Variants in NAV2 observed in about 807,000 individuals in gnomAD.
The protein encoded by NAV2 is helicase, APC down-regulated 1.
NAV2 carries 54 observed loss-of-function variants against 223.2 expected under a neutral mutation model. The observed-to-expected ratio is 0.24, with a 90% CI of 0.19 to 0.30. NAV2 has a LOEUF of 0.30. Among genes scored for constraint, NAV2 ranks in the 10% least tolerant of loss-of-function variants. The pLI is 1.00. For synonymous variants in NAV2, 1,279 were observed against 1,239.3 expected, an observed-to-expected ratio of 1.03 and a Z score of -0.67; for missense variants, 2,806 against 3,147.5, an observed-to-expected ratio of 0.89 and a Z score of 2.60.
Position 20,044,101 on chromosome 11 carries a change from C to T in NAV2, c.3028C>T (p.Arg1010Trp), listed in dbSNP as rs199543112. The T allele has an allele frequency of 2.2e-5, 35 of 1,614,086 alleles. No individual in the cohort carries two copies. The highest frequency in any genetic ancestry group is 4.5e-5 in the East Asian group (2 of 44,890). The change falls in exon 13 of 38, where the codon CGG (arginine) becomes TGG (tryptophan). Residue 1010 changes from arginine (R) to tryptophan (W), a missense_variant. Physicochemically the swap from Arg to Trp is moderately radical, Grantham distance 101. Around this residue, in one of 4 missense-constraint regions of NAV2, gnomAD observed 742 missense variants for 777.9 expected, o/e 0.95. Coordinates refer to ENST00000349880, the MANE Select transcript of NAV2 (RefSeq NM_145117.5). ...AATGGAGCCAGGTTCCAAGTGGAGG[C>T]GGAATCCTTCTGATGTGTCTGACGA... Reference protein sequence around the residue: ...IKMEPGSKWRRNPSDVSDESD... With the variant: ...IKMEPGSKWRWNPSDVSDESD...
chr11:19,526,068 A>G lies in NAV2; in HGVS notation c.75+175041A>G, dbSNP rs536836734. 5.0e-4 allele frequency among the ~76,000 whole-genome samples: 76 copies of G among 152,266 alleles called. 1 individual carries two copies. Among genetic ancestry groups the G allele is most frequent in the African/African-American group, 1.8e-3 (75 of 41,554 alleles). On this transcript the variant is annotated intron_variant, in intron 1 of 37. Coordinates refer to the NAV2 transcript ENST00000360655. Reference sequence around the variant, plus strand: ...GAAGGTTTCCTTCTCTTTCAGCATCATGCTGAGAGGTCCACACATGGCCCT... The same window carrying G: ...GAAGGTTTCCTTCTCTTTCAGCATCGTGCTGAGAGGTCCACACATGGCCCT...
intron 1 of NAV2, among the ~76,000 whole-genome samples, chr11:19,830,197 G>A (rs1346315451): frequency 6.6e-6 from 1 of 152,160 alleles, no homozygotes; most frequent in Non-Finnish European, 1.5e-5. Flanking sequence ...TGCACTCCAG[G>A]CTGGGTGACA....
intron 26 of NAV2, among the ~76,000 whole-genome samples, chr11:20,085,227 AC>A (rs1326057234): frequency 1.3e-5 from 2 of 151,174 alleles, no homozygotes; most frequent in Non-Finnish European, 2.9e-5. Context: ...CAGATTCTCC[AC>A]CCCTGAGAAG....
chr11:19,868,986 T>A lies in NAV2; in HGVS notation c.500T>A (p.Leu167Gln). 2 of 1,613,984 alleles carry A rather than the reference T, an allele frequency of 1.2e-6. No individual in the cohort carries two copies. The highest frequency in any genetic ancestry group is 1.7e-6 in the Non-Finnish European group (2 of 1,179,914). ...GCTAAGGGAATAAACATCCAGGGGC[T>A]GTCTGCAGAAGGTGAGTCAGAGCGC... ...LAAKGINIQG[L>Q]SAEEIRNGNL... Residue 167 changes from leucine (L) to glutamine (Q), a missense_variant, in exon 4 of 38, where the codon CTG becomes CAG. Transcript: ENST00000349880.
At chr11:19,857,930 C>G (rs927614574) in intron 3 of NAV2, among the ~76,000 whole-genome samples, 11 of 152,310 alleles carry the variant, frequency 7.2e-5, no homozygotes, top group African/African-American at 2.2e-4. Context: ...GATCTTGGCT[C>G]ACTGCAAGCT....
rs78545290 is a variant in NAV2, at chr11:19,526,464, C to T, written c.75+175437C>T. On this transcript the variant is annotated intron_variant, in intron 1 of 37. Transcript: ENST00000360655. ...TTTCTAAAGTCAGCTTCAGAGTCAG[C>T]CTTGTCTCGGGGGAATGAATATGAT... Among the ~76,000 whole-genome samples, 961 of 152,006 alleles carry T rather than the reference C, an allele frequency of 6.3e-3. 7 individuals are homozygous for T. The highest frequency in any genetic ancestry group is 0.022 in the African/African-American group (896 of 41,480).
At chr11:19,940,294 A>G (rs116559141) in intron 8 of NAV2, among the ~76,000 whole-genome samples, 1,730 of 151,826 alleles carry the variant, frequency 0.011, 41 homozygotes, top group African/African-American at 0.041. Flanking sequence ...AATGTAGACA[A>G]TGATGATTAC....
intron 37 of NAV2, 112 bp downstream of exon 37, chr11:20,114,907 G>A: frequency 9.0e-7 from 1 of 1,116,214 alleles, no homozygotes; most frequent in Non-Finnish European, 1.3e-6. Context: ...CCTTGCTTTG[G>A]AAGGCTGGAC....
At chr11:19,951,582 T>TTAAG (rs2047400639) in intron 10 of NAV2, among the ~76,000 whole-genome samples, 1 of 152,114 alleles carries the variant, frequency 6.6e-6, no homozygotes, top group African/African-American at 2.4e-5. Context: ...TATCCTGTAA[T>TTAAG]AGTTGATTTT....
chr11:19,614,565 A>G (rs1165886164), intron 1 of NAV2, among the ~76,000 whole-genome samples: 1 of 152,126 alleles, frequency 6.6e-6, no homozygotes, highest in Admixed American at 6.5e-5. Flanking sequence ...TGTTACACTC[A>G]ATGAACCTAC....
intron 1 of NAV2, among the ~76,000 whole-genome samples, chr11:19,643,990 A>G (rs891737150): frequency 1.2e-3 from 190 of 152,372 alleles, no homozygotes; most frequent in East Asian, 1.9e-4. Flanking sequence ...CTCCATGTAG[A>G]TAAATGCATA....
chr11:19,432,435 G>T (rs1364760765), intron 1 of NAV2, among the ~76,000 whole-genome samples: 1 of 152,164 alleles, frequency 6.6e-6, no homozygotes. Flanking sequence ...GGTGATTAAG[G>T]GAAAAGATCA....
At chr11:19,562,097 G>T (rs940296933) in intron 1 of NAV2, among the ~76,000 whole-genome samples, 2 of 152,212 alleles carry the variant, frequency 1.3e-5, no homozygotes, top group Non-Finnish European at 2.9e-5. Context: ...TTCCCTGGCA[G>T]TGGTAATATA....
At chr11:20,113,629 G>C (rs2062814616) in intron 36 of NAV2, among the ~76,000 whole-genome samples, 1 of 152,164 alleles carries the variant, frequency 6.6e-6, no homozygotes, top group Non-Finnish European at 1.5e-5. Context: ...TGCAACCTCT[G>C]TTAGCAATTT....
intron 11 of NAV2, chr11:20,022,593 T>A: frequency 4.1e-6 from 4 of 986,028 alleles, no homozygotes; most frequent in Non-Finnish European, 4.8e-6. Flanking sequence ...CAGACGTCAA[T>A]GGAATGAGCT....
At chr11:19,449,834 A>T (rs1237633950) in intron 1 of NAV2, among the ~76,000 whole-genome samples, 2 of 65,590 alleles carry the variant, frequency 3.0e-5, no homozygotes, top group Non-Finnish European at 3.3e-5. Flanking sequence ...CCCCCCTCCC[A>T]CCCCCTGGCC....
At chr11:19,757,299 C>T (rs954843033) in intron 1 of NAV2, among the ~76,000 whole-genome samples, 3 of 152,020 alleles carry the variant, frequency 2.0e-5, no homozygotes, top group Non-Finnish European at 2.9e-5. Flanking sequence ...TTGGCCTCAA[C>T]GCGTGTGTGG....
intron 1 of NAV2, among the ~76,000 whole-genome samples, chr11:19,516,305 C>A (rs11603682): frequency 6.6e-6 from 1 of 152,076 alleles, no homozygotes; most frequent in Admixed American, 6.5e-5. Context: ...GAAGTTTGAG[C>A]CCCACAATAC....
chr11:20,003,372 T>C (rs1041803541), intron 11 of NAV2, among the ~76,000 whole-genome samples: 1 of 152,198 alleles, frequency 6.6e-6, no homozygotes, highest in Non-Finnish European at 1.5e-5. Flanking sequence ...AGTTAGTTGA[T>C]ACAGCTGATT....
Sources: gnomAD v4.1 joint callset for allele counts (sites outside exome capture counted in the v4.1 genomes callset) on GRCh38, gnomAD v4.1.1 for gene constraint, gnomAD v4.1.1 regional missense constraint, MANE v1.5 for transcripts, NCBI Gene and HGNC (gene_info 2026-07-23, HGNC 2026-07-21) for gene names.